Variants in MYO10 observed in about 807,000 individuals in gnomAD.
MYO10 encodes unconventional myosin-X.
In MYO10, 133 loss-of-function variants were observed where a neutral mutation model predicts 257.3. The ratio of observed to expected loss-of-function variants is 0.52; its 90% CI spans 0.45 to 0.60. The LOEUF (loss-of-function observed/expected upper bound fraction) is 0.60. MYO10 is among the 20% of genes least tolerant of loss of function. The pLI is 0.00. For synonymous variants in MYO10, 1,104 were observed against 1,028.6 expected, an observed-to-expected ratio of 1.07 and a Z score of -1.40; for missense variants, 2,399 against 2,635.7, an observed-to-expected ratio of 0.91 and a Z score of 1.97.
chr5:16,864,440 G>C (rs1244305880), intron 2 of MYO10, among the ~76,000 whole-genome samples: 1 of 152,158 alleles, frequency 6.6e-6, no homozygotes, highest in Non-Finnish European at 1.5e-5. Flanking sequence ...GTGGCTCTTT[G>C]AAAGGGGGCC....
chr5:16,921,751 T>C (rs2126801199), intron 1 of MYO10, among the ~76,000 whole-genome samples: 1 of 151,964 alleles, frequency 6.6e-6, no homozygotes, highest in Middle Eastern at 3.4e-3. Context: ...CTGGGAGCAA[T>C]TTTGCCTCCT....
At chr5:16,696,699 T>C (rs1216013441) in intron 26 of MYO10, among the ~76,000 whole-genome samples, 1 of 139,894 alleles carries the variant, frequency 7.1e-6, no homozygotes, top group Non-Finnish European at 1.6e-5. Flanking sequence ...CTACTCAAAA[T>C]ACAAAAATTA....
chr5:16,676,245 G>C, intron 33 of MYO10, 91 bp from the exon 34 acceptor site: 2 of 1,465,036 alleles, frequency 1.4e-6, no homozygotes, highest in Non-Finnish European at 1.9e-6. Flanking sequence ...CATAAACCTA[G>C]TGGGGCAAAG....
At chr5:16,791,597 G>A (rs1023167293) in intron 4 of MYO10, among the ~76,000 whole-genome samples, 7 of 147,022 alleles carry the variant, frequency 4.8e-5, no homozygotes, top group African/African-American at 7.7e-5. Context: ...TTGATGTTTC[G>A]CTTTCTTCTT....
At chr5:16,743,683 G>A (rs1330905928) in intron 19 of MYO10, among the ~76,000 whole-genome samples, 2 of 151,580 alleles carry the variant, frequency 1.3e-5, no homozygotes, top group Non-Finnish European at 2.9e-5. Context: ...TTCACCCTTT[G>A]ACCAGGGAAT....
chr5:16,760,324 G>C (rs1740669009), intron 17 of MYO10, among the ~76,000 whole-genome samples: 1 of 151,102 alleles, frequency 6.6e-6, no homozygotes, highest in Non-Finnish European at 1.5e-5. Flanking sequence ...AGCCAGGCGT[G>C]GTGGCGGGCA....
At position 16,758,145 on chromosome 5, in the gene MYO10, C is replaced by A; in HGVS notation, c.1821G>T (p.Arg607=). 1.2e-6 allele frequency: 2 copies of A among 1,613,176 alleles called. No individual in the cohort carries two copies. The highest frequency in any genetic ancestry group is 2.2e-5 in the East Asian group (1 of 44,884). The change falls in exon 18 of 41, where the codon CGG becomes CGT. Residue 607 remains arginine (R), a synonymous_variant. Transcript: ENST00000513610. ...QDTLKCGSKH[R]RPTVSSQFKD... ...TGAACTGTGAGCTGACTGTAGGCCGCCGATGTTTGCTTCCACATTTCAAGG... is the reference window on the plus strand; with the variant it reads ...TGAACTGTGAGCTGACTGTAGGCCGACGATGTTTGCTTCCACATTTCAAGG...
At chr5:16,764,664 C>T (rs1740812607) in intron 11 of MYO10, among the ~76,000 whole-genome samples, 1 of 152,256 alleles carries the variant, frequency 6.6e-6, no homozygotes, top group African/African-American at 2.4e-5. Context: ...ACCATATATA[C>T]AGGTACAAAT....
chr5:16,762,141 A>AT, intron 15 of MYO10, 28 bp from the exon 16 acceptor site: 48 of 1,455,490 alleles, frequency 3.3e-5, no homozygotes, highest in Non-Finnish European at 3.8e-5. Context: ...AAAAAAAAAA[A>AT]AAATACAATG....
chr5:16,786,565 A>ACT (rs1741587360), intron 4 of MYO10, among the ~76,000 whole-genome samples: 2 of 152,190 alleles, frequency 1.3e-5, no homozygotes, highest in Non-Finnish European at 2.9e-5. Context: ...TTTAGTGCCA[A>ACT]CATGACATTC....
chr5:16,783,193 G>T, intron 5 of MYO10, 142 bp downstream of exon 5: 2 of 852,686 alleles, frequency 2.3e-6, no homozygotes, highest in Non-Finnish European at 3.5e-6. Flanking sequence ...TATGTGCATG[G>T]CAAGACCTTT....
chr5:16,820,871 CAT>C (rs571558163), intron 2 of MYO10, among the ~76,000 whole-genome samples: 307 of 149,288 alleles, frequency 2.1e-3, no homozygotes, highest in African/African-American at 7.2e-3. Context: ...ATATTTCACA[CAT>C]ATAAAACATC....
chr5:16,723,174 G>T (rs897049492), intron 19 of MYO10, among the ~76,000 whole-genome samples: 1 of 147,854 alleles, frequency 6.8e-6, no homozygotes, highest in African/African-American at 2.6e-5. Flanking sequence ...CATGAGGTCA[G>T]GAGATCGAGA....
intron 19 of MYO10, among the ~76,000 whole-genome samples, chr5:16,752,045 C>T (rs1037708113): frequency 1.3e-5 from 2 of 152,124 alleles, no homozygotes; most frequent in African/African-American, 4.8e-5. Context: ...ATTTCAAAAG[C>T]TAGTACAATT....
At chr5:16,793,231 G>A (rs1269142158) in intron 4 of MYO10, among the ~76,000 whole-genome samples, 1 of 152,080 alleles carries the variant, frequency 6.6e-6, no homozygotes, top group Non-Finnish European at 1.5e-5. Flanking sequence ...CTAGAGCACA[G>A]GTCCAATAGA....
intron 2 of MYO10, among the ~76,000 whole-genome samples, chr5:16,833,891 A>G (rs941908831): frequency 6.6e-6 from 1 of 152,198 alleles, no homozygotes; most frequent in Non-Finnish European, 1.5e-5. Flanking sequence ...CTGATATTTC[A>G]GTTAGTCATA....
At chr5:16,778,160 G>C (rs1328019686) in intron 9 of MYO10, among the ~76,000 whole-genome samples, 1 of 151,950 alleles carries the variant, frequency 6.6e-6, no homozygotes, top group Non-Finnish European at 1.5e-5. Flanking sequence ...GCATCTAACT[G>C]TTCTAATAAG....
chr5:16,765,501 T>A (rs919687661), intron 11 of MYO10, among the ~76,000 whole-genome samples: 1 of 152,170 alleles, frequency 6.6e-6, no homozygotes, highest in Non-Finnish European at 1.5e-5. Context: ...AATCTATCTA[T>A]CATATTCTGT....
chr5:16,844,037 G>A (rs760921080), intron 2 of MYO10, among the ~76,000 whole-genome samples: 1 of 152,148 alleles, frequency 6.6e-6, no homozygotes, highest in Non-Finnish European at 1.5e-5. Context: ...CAGATAAGTG[G>A]GTTGTCCCGT....
Sources: allele counts gnomAD v4.1 joint callset (sites outside exome capture counted in the v4.1 genomes callset), GRCh38; gene constraint gnomAD v4.1.1; transcripts MANE v1.5; gene names NCBI Gene and HGNC (gene_info 2026-07-23, HGNC 2026-07-21).